The following SEMA3A variants were observed in gnomAD, a reference collection of about 807,000 sequenced individuals.
The protein encoded by SEMA3A is semaphorin-3A.
SEMA3A carries 29 observed loss-of-function variants against 97.9 expected under a neutral mutation model. The observed-to-expected ratio is 0.30, with a 90% CI of 0.22 to 0.40. The LOEUF is 0.40. Ranked by LOEUF, SEMA3A falls within the 10% of genes least tolerant of loss-of-function variation. SEMA3A has a pLI of 1.00. For missense variants in SEMA3A, 763 were observed against 951.3 expected (o/e 0.80, Z 2.60); for synonymous variants, 321 against 323.7 (o/e 0.99, Z 0.09).
Position 84,097,566 on chromosome 7 carries a change from T to G in SEMA3A, c.453+12904A>C, listed in dbSNP as rs951155379. Among the ~76,000 whole-genome samples the G allele has an allele frequency of 4.2e-4, 64 of 152,178 alleles. 1 individual carries two copies. Among genetic ancestry groups the G allele is most frequent in the African/African-American group, 1.4e-3 (57 of 41,532 alleles). On this transcript the variant is annotated intron_variant, in intron 4 of 16. Coordinates refer to ENST00000265362, the MANE Select transcript of SEMA3A (RefSeq NM_006080.3). ...TTAACTGCTCAGCAGTTCCTGGGAT[T>G]GCTTTCAGGGACCAAAGATACACAA...
intron 6 of SEMA3A, among the ~76,000 whole-genome samples, chr7:84,045,108 T>C (rs376013309): frequency 1.4e-4 from 21 of 152,124 alleles, no homozygotes; most frequent in African/African-American, 5.1e-4. Flanking sequence ...TCCTGGAATT[T>C]CAATGAGGTC....
At chr7:84,278,854 C>A (rs192334328) in intron 3 of SEMA3A, among the ~76,000 whole-genome samples, 1 of 152,198 alleles carries the variant, frequency 6.6e-6, no homozygotes, top group Admixed American at 6.6e-5. Flanking sequence ...TTGGGGATTA[C>A]ATTTCAACAT....
intron 15 of SEMA3A, among the ~76,000 whole-genome samples, chr7:83,966,194 A>G (rs1020323127): frequency 6.6e-6 from 1 of 152,074 alleles, no homozygotes; most frequent in African/African-American, 2.4e-5. Context: ...AATAGAAAAT[A>G]TTCTTTTATT....
At chr7:84,165,884 A>C (rs947014073) in intron 1 of SEMA3A, among the ~76,000 whole-genome samples, 6 of 152,092 alleles carry the variant, frequency 3.9e-5, no homozygotes, top group African/African-American at 1.4e-4. Context: ...ATCCTTGTCA[A>C]CTTACAATTC....
intron 5 of SEMA3A, among the ~76,000 whole-genome samples, chr7:84,048,935 C>G (rs781342936): frequency 4.6e-5 from 7 of 152,018 alleles, no homozygotes; most frequent in Non-Finnish European, 1.0e-4. Context: ...GTGTTTGTCT[C>G]TCTCTTGCAT....
chr7:84,125,314 G>A (rs1258944830), intron 3 of SEMA3A, among the ~76,000 whole-genome samples: 1 of 152,162 alleles, frequency 6.6e-6, no homozygotes, highest in Non-Finnish European at 1.5e-5. Context: ...AAGGTGCTGT[G>A]AAATGATCTG....
intron 3 of SEMA3A, among the ~76,000 whole-genome samples, chr7:84,255,684 C>T (rs1799702588): frequency 6.6e-6 from 1 of 151,980 alleles, no homozygotes; most frequent in African/African-American, 2.4e-5. Flanking sequence ...ATGCTAAGGT[C>T]ACATTCATTA....
intron 3 of SEMA3A, among the ~76,000 whole-genome samples, chr7:84,272,272 C>T (rs1266857512): frequency 6.6e-6 from 1 of 151,872 alleles, no homozygotes; most frequent in East Asian, 1.9e-4. Flanking sequence ...TCATGTGCAC[C>T]TGCTGCTGAT....
chr7:84,022,706 G>C (rs1027543922), intron 6 of SEMA3A, among the ~76,000 whole-genome samples: 10 of 152,166 alleles, frequency 6.6e-5, no homozygotes, highest in African/African-American at 2.4e-4. Flanking sequence ...ATTTTAGCAA[G>C]ATCAAAGTGC....
At chr7:84,371,387 G>C (rs1043817027) in intron 2 of SEMA3A, among the ~76,000 whole-genome samples, 1 of 151,664 alleles carries the variant, frequency 6.6e-6, no homozygotes, top group African/African-American at 2.4e-5. Flanking sequence ...ATTATCTTTA[G>C]TTTCCACCCA....
At chr7:84,230,189 T>G (rs1202050877) in intron 3 of SEMA3A, among the ~76,000 whole-genome samples, 1 of 152,018 alleles carries the variant, frequency 6.6e-6, no homozygotes, top group Admixed American at 6.6e-5. Context: ...ACCCCCATAA[T>G]GATCTTTGTT....
chr7:84,279,137 A>G (rs1800377816), intron 3 of SEMA3A, among the ~76,000 whole-genome samples: 1 of 152,160 alleles, frequency 6.6e-6, no homozygotes, highest in South Asian at 2.1e-4. Context: ...AGAATGGGAT[A>G]TGTATTTAGT....
intron 15 of SEMA3A, among the ~76,000 whole-genome samples, chr7:83,963,723 T>G (rs1225542707): frequency 6.6e-6 from 1 of 152,208 alleles, no homozygotes; most frequent in East Asian, 1.9e-4. Flanking sequence ...TTGTATTATA[T>G]TATTCTGTAA....
chr7:84,328,429 G>T (rs1408560820), intron 2 of SEMA3A, among the ~76,000 whole-genome samples: 2 of 151,958 alleles, frequency 1.3e-5, no homozygotes, highest in South Asian at 2.1e-4. Context: ...GAAAATGAAA[G>T]AGCAGGAGAT....
At chr7:84,367,630 T>C (rs1438755597) in intron 2 of SEMA3A, among the ~76,000 whole-genome samples, 1 of 150,760 alleles carries the variant, frequency 6.6e-6, no homozygotes, top group Non-Finnish European at 1.5e-5. Context: ...GAGCCTAAGA[T>C]TTTGATAGGA....
rs769819493 is a variant in SEMA3A, at chr7:83,961,725, A to G, written c.1962T>C (p.His654=). The G allele has an allele frequency of 9.3e-6, 15 of 1,613,742 alleles. No individual in the cohort carries two copies. The highest frequency in any genetic ancestry group is 7.7e-5 in the South Asian group (7 of 91,056). Reference sequence around the variant, plus strand: ...CCTTAAGAAGAGTTTGTATGAACCCATGTTCCACCGCATGGCAGAGGTAAT... The same window carrying G: ...CCTTAAGAAGAGTTTGTATGAACCCGTGTTCCACCGCATGGCAGAGGTAAT... ...SGNYLCHAVE[H]GFIQTLLKVT... is the part of the protein sequence containing the mutation. Residue 654 remains histidine (H), a synonymous_variant, in exon 17 of 17, where the codon CAT becomes CAC. Coordinates refer to ENST00000265362, the MANE Select transcript of SEMA3A (RefSeq NM_006080.3).
At chr7:84,304,262 T>A (rs546939632) in intron 3 of SEMA3A, among the ~76,000 whole-genome samples, 2 of 152,220 alleles carry the variant, frequency 1.3e-5, no homozygotes, top group East Asian at 3.9e-4. Flanking sequence ...GTCAGCAATT[T>A]TTTTGTTTTA....
At chr7:84,433,751 CT>C (rs772959582) in intron 1 of SEMA3A, among the ~76,000 whole-genome samples, 8 of 152,128 alleles carry the variant, frequency 5.3e-5, no homozygotes, top group Admixed American at 2.0e-4. Flanking sequence ...TGTTTTCTGA[CT>C]TTTTAATGAT....
chr7:84,142,560 G>T (rs1016131709), intron 1 of SEMA3A, among the ~76,000 whole-genome samples: 1 of 152,124 alleles, frequency 6.6e-6, no homozygotes, highest in African/African-American at 2.4e-5. Context: ...TCTAAGGAGG[G>T]TATATTTTGG....
Sources: gnomAD v4.1 joint callset for allele counts (sites outside exome capture counted in the v4.1 genomes callset) on GRCh38, gnomAD v4.1.1 for gene constraint, MANE v1.5 for transcripts, NCBI Gene and HGNC (gene_info 2026-07-23, HGNC 2026-07-21) for gene names.